SGPP1: variants seen among roughly 807,000 people sequenced by gnomAD.
SGPP1 encodes the protein hSPP1.
Under a neutral mutation model 33.0 loss-of-function variants are expected in SGPP1, and 21 were observed. The observed-to-expected ratio is 0.64, with a 90% CI of 0.45 to 0.92. SGPP1 has a LOEUF of 0.92. SGPP1 is among the 40% of genes least tolerant of loss of function. SGPP1 has a pLI of 0.00. For missense variants in SGPP1, 543 were observed against 589.4 expected (o/e 0.92, Z 0.81); for synonymous variants, 239 against 241.2 (o/e 0.99, Z 0.08).
At chr14:63,706,437 G>C (rs1377061534) in intron 1 of SGPP1, among the ~76,000 whole-genome samples, 1 of 151,938 alleles carries the variant, frequency 6.6e-6, no homozygotes, top group South Asian at 2.1e-4. Context: ...TTTACCCCAA[G>C]TTAAAAAAAA....
At chr14:63,699,035 T>C (rs768868149) in intron 1 of SGPP1, among the ~76,000 whole-genome samples, 19 of 152,206 alleles carry the variant, frequency 1.2e-4, no homozygotes, top group Middle Eastern at 3.2e-3. Flanking sequence ...ATCTGGTCCA[T>C]GTAAATGTCT....
chr14:63,712,112 AAAG>A (rs1885535055), intron 1 of SGPP1, among the ~76,000 whole-genome samples: 1 of 152,142 alleles, frequency 6.6e-6, no homozygotes, highest in Non-Finnish European at 1.5e-5. Flanking sequence ...TATTAAATAA[AAAG>A]AATAAACTCC....
At chr14:63,700,748 C>T (rs993167768) in intron 1 of SGPP1, among the ~76,000 whole-genome samples, 3 of 152,174 alleles carry the variant, frequency 2.0e-5, no homozygotes, top group African/African-American at 7.2e-5. Flanking sequence ...GCTCCTCCTA[C>T]ATTTTGGATT....
At chr14:63,715,517 T>C (rs527684504) in intron 1 of SGPP1, among the ~76,000 whole-genome samples, 1 of 152,282 alleles carries the variant, frequency 6.6e-6, no homozygotes, top group South Asian at 2.1e-4. Context: ...TTCACTCTTG[T>C]GAAACTCAGA....
At chr14:63,694,471 T>A (rs1885150197) in intron 2 of SGPP1, among the ~76,000 whole-genome samples, 1 of 151,982 alleles carries the variant, frequency 6.6e-6, no homozygotes, top group Non-Finnish European at 1.5e-5. Flanking sequence ...CCACACCTTG[T>A]CTGACCAGGA....
chr14:63,719,019 T>G (rs1383046253), intron 1 of SGPP1, among the ~76,000 whole-genome samples: 8 of 70,784 alleles, frequency 1.1e-4, no homozygotes, highest in African/African-American at 4.0e-4. Flanking sequence ...TATATATTTT[T>G]TTTTTTTTTT....
rs1454442979 is a variant in SGPP1 at position 63,686,781 on chromosome 14, CAAAGT to C, written c.775-130_775-126del. 9.1e-5 allele frequency: 61 copies of C among 673,780 alleles called. 2 individuals carry two copies. The highest frequency in any genetic ancestry group is 7.2e-4 in the South Asian group (31 of 42,784). The allele number at this position is 673,780 out of a possible 1,614,324, so 41.7% of individuals were successfully genotyped here. On this transcript the variant is annotated intron_variant, in intron 2 of 2. Coordinates refer to ENST00000247225, the MANE Select transcript of SGPP1 (RefSeq NM_030791.4). ...AAATTTTTTAAAGTTGTCAAATTCT[CAAAGT>C]AAACTTTATTAACTGACCATATAAG... is the stretch of plus-strand genomic sequence containing the variant.
At chr14:63,697,657 T>G (rs1458636902) in intron 2 of SGPP1, among the ~76,000 whole-genome samples, 2 of 152,116 alleles carry the variant, frequency 1.3e-5, no homozygotes, top group East Asian at 3.9e-4. Flanking sequence ...CTCACAAGTC[T>G]TGAGAAAGAG....
intron 1 of SGPP1, among the ~76,000 whole-genome samples, chr14:63,711,703 C>A (rs1199088993): frequency 6.6e-6 from 1 of 152,118 alleles, no homozygotes; most frequent in Non-Finnish European, 1.5e-5. Flanking sequence ...AAACTACTTT[C>A]AGAAAAACAT....
At chr14:63,695,370 T>C (rs912085352) in intron 2 of SGPP1, among the ~76,000 whole-genome samples, 2 of 152,246 alleles carry the variant, frequency 1.3e-5, no homozygotes, top group Admixed American at 6.5e-5. Context: ...GTTTTTATTT[T>C]AACTATAATA....
In SGPP1 at chr14:63,716,867, A is replaced by G. The variant is rs368857221; in HGVS notation, c.684+10394T>C. Among the ~76,000 whole-genome samples the G allele has an allele frequency of 3.6e-3, 550 of 151,974 alleles. 7 individuals are homozygous for G. In the South Asian group the frequency reaches 0.038, roughly 10 times the overall value. Reference sequence around the variant, plus strand: ...CACCAACATGCCAGCTAATTTTTGTATTTTTAGTAGAGAGGAGGTTTCTGC... The same window carrying G: ...CACCAACATGCCAGCTAATTTTTGTGTTTTTAGTAGAGAGGAGGTTTCTGC... On this transcript the variant is annotated intron_variant, in intron 1 of 2. Transcript: ENST00000247225.
At chr14:63,701,920 AAAAAAAAAAAAAAAGAACCAAAAGAAGT>A (rs1248445941) in intron 1 of SGPP1, among the ~76,000 whole-genome samples, 1 of 129,626 alleles carries the variant, frequency 7.7e-6, no homozygotes, top group African/African-American at 3.0e-5. Context: ...GTTGACAGCA[AAAAAAAAAAAAAAAGAACCAAAAGAAGT>A]AAAAAAAAAA....
At chr14:63,704,880 C>T (rs1478545914) in intron 1 of SGPP1, among the ~76,000 whole-genome samples, 5 of 152,280 alleles carry the variant, frequency 3.3e-5, no homozygotes, top group Non-Finnish European at 7.4e-5. Context: ...AATCTCAGCA[C>T]TTTGGGAAGC....
chr14:63,715,638 C>A (rs1377285010), intron 1 of SGPP1, among the ~76,000 whole-genome samples: 2 of 152,092 alleles, frequency 1.3e-5, no homozygotes, highest in Non-Finnish European at 2.9e-5. Context: ...CCAGCAGTTT[C>A]CCTGAGTTAA....
intron 1 of SGPP1, among the ~76,000 whole-genome samples, chr14:63,722,029 T>G (rs1885781564): frequency 6.6e-6 from 1 of 152,204 alleles, no homozygotes; most frequent in Non-Finnish European, 1.5e-5. Flanking sequence ...ATGAATTTTC[T>G]ATATAAGCTG....
chr14:63,703,488 A>G (rs1326185398), intron 1 of SGPP1, among the ~76,000 whole-genome samples: 2 of 151,970 alleles, frequency 1.3e-5, no homozygotes, highest in African/African-American at 4.8e-5. Context: ...CCCTGTCTCC[A>G]CTAAAAATAC....
At position 63,684,986 on chromosome 14, in the gene SGPP1, G is replaced by T. The variant is rs1225779234; in HGVS notation, c.*1119C>A. The T allele has an allele frequency of 6.6e-6, 1 of 152,022 alleles. No individual in the cohort carries two copies. The highest frequency in any genetic ancestry group is 1.5e-5 in the Non-Finnish European group (1 of 67,882). 9.4% of individuals were successfully genotyped at this position (152,022 alleles called of 1,614,324 possible). On this transcript the variant is annotated 3_prime_UTR_variant, in exon 3 of 3. Coordinates refer to ENST00000247225, the MANE Select transcript of SGPP1 (RefSeq NM_030791.4). ...GAAAAATGCTTTGTTTACATATGAAGTATGTGCATTGTCCCATCTATAAAT... is the reference window on the plus strand; with the variant it reads ...GAAAAATGCTTTGTTTACATATGAATTATGTGCATTGTCCCATCTATAAAT...
At chr14:63,723,642 C>T (rs1418474400) in intron 1 of SGPP1, among the ~76,000 whole-genome samples, 2 of 151,428 alleles carry the variant, frequency 1.3e-5, no homozygotes, top group Admixed American at 1.3e-4. Context: ...TCGCTTGAAC[C>T]GGGGAGGCAG....
At chr14:63,712,468 G>T (rs980455869) in intron 1 of SGPP1, among the ~76,000 whole-genome samples, 7 of 152,058 alleles carry the variant, frequency 4.6e-5, no homozygotes, top group Non-Finnish European at 1.0e-4. Flanking sequence ...CTTGGATCAG[G>T]AATGAACACT....
Sources: allele counts gnomAD v4.1 joint callset (sites outside exome capture counted in the v4.1 genomes callset), GRCh38; gene constraint gnomAD v4.1.1; transcripts MANE v1.5; gene names NCBI Gene and HGNC (gene_info 2026-07-23, HGNC 2026-07-21).